The following MED27 variants were observed in gnomAD, a reference collection of about 807,000 sequenced individuals.
The protein encoded by MED27 is mediator complex subunit 27.
A neutral mutation model predicts 38.2 loss-of-function variants in MED27; 30 were observed. The observed-to-expected ratio is 0.79, with a 90% CI of 0.59 to 1.07. The LOEUF (loss-of-function observed/expected upper bound fraction) is 1.07. Among genes scored for constraint, MED27 ranks in the 50% least tolerant of loss-of-function variants. The pLI is 0.00. For missense variants in MED27, 289 were observed against 397.5 expected, an observed-to-expected ratio of 0.73 and a Z score of 2.32; for synonymous variants, 122 against 153.5, an observed-to-expected ratio of 0.79 and a Z score of 1.52.
chr9:131,919,901 G>A (rs1263098116), intron 4 of MED27, among the ~76,000 whole-genome samples: 2 of 149,752 alleles, frequency 1.3e-5, no homozygotes, highest in African/African-American at 2.5e-5. Flanking sequence ...CTCCACCTCC[G>A]GGGCTCAGGT....
rs1178177208 is a variant in MED27, at chr9:131,883,445, C to G, written c.723+613G>C. ...GCTGGGGAAATGAATTTTCTCTGGT[C>G]ACTTTTCATTTCGTCTGACATTTCC... On this transcript the variant is annotated intron_variant, in intron 6 of 7. Coordinates refer to ENST00000292035, the MANE Select transcript of MED27 (RefSeq NM_004269.4). The surrounding 1 kb of genome is among the most constrained non-coding windows in gnomAD (Gnocchi z 4.2). Among the ~76,000 whole-genome samples the G allele has an allele frequency of 6.6e-6, 1 of 152,100 alleles. No individual in the cohort carries two copies. Among genetic ancestry groups the G allele is most frequent in the Non-Finnish European group, 1.5e-5 (1 of 68,022 alleles).
intron 3 of MED27, among the ~76,000 whole-genome samples, chr9:131,978,686 C>CAA (rs138937530): frequency 1.3e-5 from 2 of 151,828 alleles, no homozygotes; most frequent in African/African-American, 4.8e-5. Context: ...ACAACAACAA[C>CAA]AAAAAAAACT....
intron 4 of MED27, among the ~76,000 whole-genome samples, chr9:131,938,783 G>A (rs573246143): frequency 2.7e-5 from 4 of 150,512 alleles, no homozygotes; most frequent in African/African-American, 7.3e-5. Context: ...GAGTGATCTC[G>A]GCTCACTGCA....
At chr9:131,897,416 G>A (rs1326829943) in intron 4 of MED27, among the ~76,000 whole-genome samples, 1 of 152,210 alleles carries the variant, frequency 6.6e-6, no homozygotes, top group Non-Finnish European at 1.5e-5. Flanking sequence ...TCTTGTCAGC[G>A]ATGGGCACTA....
intron 3 of MED27, among the ~76,000 whole-genome samples, chr9:131,979,837 G>GGCTGGCTGGCTA (rs1241511688): frequency 6.6e-6 from 1 of 151,566 alleles, no homozygotes; most frequent in Non-Finnish European, 1.5e-5. Flanking sequence ...CAAGATGGCT[G>GGCTGGCTGGCTA]GCTGGCTGGC....
chr9:131,876,516 T>C (rs1416267538), intron 6 of MED27, among the ~76,000 whole-genome samples: 1 of 152,176 alleles, frequency 6.6e-6, no homozygotes, highest in Non-Finnish European at 1.5e-5. Context: ...GAGTTTAGTT[T>C]AGATGCTTAT....
chr9:131,954,011 C>T (rs1280914875), intron 3 of MED27, among the ~76,000 whole-genome samples: 1 of 152,114 alleles, frequency 6.6e-6, no homozygotes, highest in Non-Finnish European at 1.5e-5. Flanking sequence ...GCCATGTTGG[C>T]CAGGCTGGTC....
intron 1 of MED27, among the ~76,000 whole-genome samples, chr9:132,079,098 A>G (rs916320835): frequency 2.0e-5 from 3 of 152,136 alleles, no homozygotes; most frequent in African/African-American, 7.2e-5. Context: ...GAAACTGATC[A>G]GGTGGTTTGG....
At chr9:131,999,028 A>G (rs2131053739) in intron 3 of MED27, among the ~76,000 whole-genome samples, 1 of 152,350 alleles carries the variant, frequency 6.6e-6, no homozygotes, top group East Asian at 1.9e-4. Flanking sequence ...ACATGAAACA[A>G]AAATTTAAGA....
intron 2 of MED27, among the ~76,000 whole-genome samples, chr9:132,017,871 T>C (rs937803294): frequency 3.0e-4 from 46 of 152,212 alleles, no homozygotes; most frequent in Non-Finnish European, 4.6e-4. Context: ...TTAATAATGG[T>C]CTGAGGAAAG....
chr9:131,885,282 C>G (rs866855479), intron 5 of MED27, among the ~76,000 whole-genome samples: 1 of 152,216 alleles, frequency 6.6e-6, no homozygotes, highest in African/African-American at 2.4e-5. Flanking sequence ...TTCATGAGCC[C>G]AAGGCTATCT....
intron 2 of MED27, among the ~76,000 whole-genome samples, chr9:132,025,565 T>C (rs1003515637): frequency 6.6e-6 from 1 of 152,254 alleles, no homozygotes; most frequent in African/African-American, 2.4e-5. Flanking sequence ...TGTGGGTTCA[T>C]AGTCAACCAT....
chr9:131,991,946 C>A (rs2131042975), intron 3 of MED27, among the ~76,000 whole-genome samples: 1 of 152,322 alleles, frequency 6.6e-6, no homozygotes, highest in East Asian at 1.9e-4. Context: ...TGGTCTCGAT[C>A]TCCTGACCTC....
chr9:131,969,024 C>A (rs1231934937), intron 3 of MED27, among the ~76,000 whole-genome samples: 1 of 152,112 alleles, frequency 6.6e-6, no homozygotes, highest in Non-Finnish European at 1.5e-5. Context: ...TGTCTAGTTG[C>A]AGGAAAATAA....
chr9:131,957,836 T>C (rs1831135143), intron 3 of MED27, among the ~76,000 whole-genome samples: 1 of 151,162 alleles, frequency 6.6e-6, no homozygotes, highest in South Asian at 2.1e-4. Context: ...CCTAGCACTT[T>C]AGGAGGTCAA....
chr9:131,879,846 T>A (rs748638874), intron 6 of MED27, among the ~76,000 whole-genome samples: 2 of 152,190 alleles, frequency 1.3e-5, no homozygotes, highest in Non-Finnish European at 2.9e-5. Flanking sequence ...ACACCCCATA[T>A]ATAAGTGGGT....
chr9:132,012,823 A>C (rs546730853), intron 3 of MED27, among the ~76,000 whole-genome samples: 1 of 152,340 alleles, frequency 6.6e-6, no homozygotes, highest in South Asian at 2.1e-4. Context: ...AGCTTAACAA[A>C]GATGGGACAA....
At chr9:131,939,900 C>CTT (rs545565196) in intron 3 of MED27, among the ~76,000 whole-genome samples, 119 of 136,166 alleles carry the variant, frequency 8.7e-4, no homozygotes, top group African/African-American at 2.8e-3. Context: ...AAATTCCTTC[C>CTT]TTTTTTTTTT....
intron 4 of MED27, among the ~76,000 whole-genome samples, chr9:131,910,525 G>A (rs1830168939): frequency 6.6e-6 from 1 of 151,922 alleles, no homozygotes; most frequent in African/African-American, 2.4e-5. Flanking sequence ...ATTTACATTT[G>A]GATTTTTTTT....
Sources: allele counts gnomAD v4.1 joint callset (sites outside exome capture counted in the v4.1 genomes callset), GRCh38; gene constraint gnomAD v4.1.1; non-coding constraint Gnocchi (gnomAD v3.1); transcripts MANE v1.5; gene names NCBI Gene and HGNC (gene_info 2026-07-23, HGNC 2026-07-21).